Variants in ITGAE observed in about 807,000 individuals in gnomAD.
ITGAE encodes integrin subunit alpha E.
Under a neutral mutation model 136.5 loss-of-function variants are expected in ITGAE, and 99 were observed. The observed-to-expected ratio is 0.73, with a 90% CI of 0.62 to 0.86. ITGAE has a LOEUF of 0.86. Ranked by LOEUF, ITGAE falls within the 40% of genes least tolerant of loss-of-function variation. The pLI is 0.00. For synonymous variants in ITGAE, 613 were observed against 591.8 expected, an observed-to-expected ratio of 1.04 and a Z score of -0.52; for missense variants, 1,447 against 1,515.3, an observed-to-expected ratio of 0.95 and a Z score of 0.75.
At chr17:3,792,233 T>C (rs2052956817) in intron 1 of ITGAE, among the ~76,000 whole-genome samples, 1 of 152,190 alleles carries the variant, frequency 6.6e-6, no homozygotes, top group Non-Finnish European at 1.5e-5. Context: ...GCGATTCTCC[T>C]GCCTCGGCCT....
At position 3,734,904 on chromosome 17, in the gene ITGAE, A is replaced by G. The variant is rs199824557; in HGVS notation, c.2568T>C (p.Ile856=). Residue 856 remains isoleucine (I), a synonymous_variant, in exon 21 of 31, where the codon ATT becomes ATC. Transcript: ENST00000263087. ...VGLTKELTLN[I]NLTNSGEDSY... ...AATCTTCCCCGGAGTTAGTTAGGTT[A>G]ATGTTCAGGGTCAGCTCCTTTGTGA... The G allele has an allele frequency of 2.2e-5, 35 of 1,614,168 alleles. No homozygotes were observed. Among genetic ancestry groups the G allele is most frequent in the Non-Finnish European group, 3.0e-5 (35 of 1,180,020 alleles).
intron 15 of ITGAE, 99 bp downstream of exon 15, chr17:3,751,551 C>A: frequency 1.8e-6 from 2 of 1,102,978 alleles, no homozygotes; most frequent in South Asian, 1.4e-5. Context: ...CCGAGACCTG[C>A]CCAGCACTTA....
At chr17:3,760,395 C>A in intron 6 of ITGAE, 108 bp from the exon 7 acceptor site, 2 of 251,364 alleles carry the variant, frequency 8.0e-6, no homozygotes, top group African/African-American at 2.9e-5. Context: ...CAGCTCAGTT[C>A]AGGGAAGAAG....
intron 21 of ITGAE, 146 bp from the exon 22 acceptor site, chr17:3,732,612 G>A (rs2051371177): frequency 1.5e-6 from 1 of 674,884 alleles, no homozygotes; most frequent in Non-Finnish European, 2.6e-6. Context: ...AAGTCCACTT[G>A]GTCCCTGTCT....
rs185052987 is a variant in ITGAE at position 3,786,478 on chromosome 17, T to C, written c.35-8818A>G. ...GTCATTTTATGAAGCCAGTATAACA[T>C]TGATATTAAAATCCAGCAAGCACAA... On this transcript the variant is annotated intron_variant, in intron 1 of 30. Transcript: ENST00000263087. Among the ~76,000 whole-genome samples, 117 of 152,296 alleles carry C rather than the reference T, an allele frequency of 7.7e-4. 1 individual carries two copies. Among genetic ancestry groups the C allele is most frequent in the South Asian group, 2.1e-3 (10 of 4,832 alleles).
rs1406361780 is a variant in ITGAE, at chr17:3,734,843, T to G, written c.2629A>C (p.Asn877His). The change falls in exon 21 of 31, where the codon AAC becomes CAC. Residue 877 changes from asparagine (N) to histidine (H), a missense_variant. Asn to His is a moderately conservative substitution (Grantham distance 68). This residue lies in a region of ITGAE where 1,031 missense variants were observed against 1,011.4 expected (regional missense o/e 1.02). Transcript: ENST00000263087. ...TTTTGCATCCTCTTCAACTGCAGGT[T>G]TCTGGGGTAATTCAAGGCCATGCTT... ...MTSMALNYPRNLQLKRMQKPP... is the reference protein window; with the variant it reads ...MTSMALNYPRHLQLKRMQKPP... 6.2e-6 allele frequency: 10 copies of G among 1,614,048 alleles called. No homozygotes were observed. The Admixed American group carries it at 1.7e-4, about 27-fold the overall frequency.
chr17:3,745,317 C>T (rs1202479640), intron 18 of ITGAE, among the ~76,000 whole-genome samples: 1 of 152,090 alleles, frequency 6.6e-6, no homozygotes, highest in Non-Finnish European at 1.5e-5. Context: ...CTCCATCTTC[C>T]GTGCCATTAC....
At position 3,714,649 on chromosome 17, in the gene ITGAE, A is replaced by T; in HGVS notation, c.*198T>A. The T allele has an allele frequency of 2.2e-6, 1 of 446,310 alleles. No homozygotes were observed. Among genetic ancestry groups the T allele is most frequent in the Middle Eastern group, 5.6e-4 (1 of 1,786 alleles). 27.6% of individuals were successfully genotyped at this position (446,310 alleles called of 1,614,324 possible). On this transcript the variant is annotated 3_prime_UTR_variant, in exon 31 of 31. Transcript: ENST00000263087. Reference sequence around the variant, plus strand: ...CTACTGCAAAGAAAAGTGTAAATTTATTTAATACCAAATGTTTCCTAAGTT... The same window carrying T: ...CTACTGCAAAGAAAAGTGTAAATTTTTTTAATACCAAATGTTTCCTAAGTT...
chr17:3,725,775 C>G (rs1294239349), intron 26 of ITGAE: 2 of 1,600,930 alleles, frequency 1.2e-6, no homozygotes, highest in Admixed American at 3.4e-5. Context: ...TGACTTAGAG[C>G]AAATGCGAAC....
chr17:3,725,677 A>C (rs1313480777), intron 26 of ITGAE: 1 of 1,588,244 alleles, frequency 6.3e-7, no homozygotes, highest in South Asian at 1.1e-5. Context: ...GATCACTATA[A>C]TTCAACCAAA....
chr17:3,786,708 G>T (rs979745181), intron 1 of ITGAE, among the ~76,000 whole-genome samples: 1 of 151,974 alleles, frequency 6.6e-6, no homozygotes, highest in African/African-American at 2.4e-5. Context: ...TGGCCAACAT[G>T]GTGAAACTCC....
intron 24 of ITGAE, among the ~76,000 whole-genome samples, chr17:3,728,834 C>G (rs2051276510): frequency 6.6e-6 from 1 of 151,440 alleles, no homozygotes; most frequent in Non-Finnish European, 1.5e-5. Context: ...GAGTTCAAGA[C>G]CAGCCTGGCC....
chr17:3,797,974 C>A (rs1287258469), intron 1 of ITGAE, among the ~76,000 whole-genome samples: 1 of 152,214 alleles, frequency 6.6e-6, no homozygotes. Flanking sequence ...CCAAGCTCCC[C>A]CAGGCCGGCA....
intron 16 of ITGAE, 26 bp from the exon 17 acceptor site, chr17:3,748,078 G>A: frequency 1.2e-6 from 2 of 1,600,862 alleles, no homozygotes; most frequent in Non-Finnish European, 8.5e-7. Flanking sequence ...AAGAGGATGG[G>A]AGAAGTGACT....
intron 18 of ITGAE, 70 bp downstream of exon 18, chr17:3,745,694 C>T (rs2051695660): frequency 1.4e-6 from 2 of 1,463,510 alleles, no homozygotes; most frequent in East Asian, 2.3e-5. Flanking sequence ...GTGCCCTTCA[C>T]TGCATCACCT....
At chr17:3,728,259 A>T in intron 24 of ITGAE, 91 bp from the exon 25 acceptor site, 1 of 973,552 alleles carries the variant, frequency 1.0e-6, no homozygotes, top group Non-Finnish European at 1.7e-6. Flanking sequence ...GCTAGAGCAC[A>T]GTGGAACAAT....
chr17:3,749,398 G>A (rs889774910), intron 16 of ITGAE, among the ~76,000 whole-genome samples: 21 of 152,028 alleles, frequency 1.4e-4, no homozygotes, highest in African/African-American at 2.4e-4. Flanking sequence ...GACTATAGGC[G>A]CCCGCCACCA....
Position 3,801,052 on chromosome 17 carries a change from A to T in ITGAE, c.34+59T>A. 8.8e-6 allele frequency: 14 copies of T among 1,588,604 alleles called. No homozygotes were observed. In the South Asian group the frequency reaches 1.5e-4, roughly 18 times the overall value. On this transcript the variant is annotated intron_variant, in intron 1 of 30. Coordinates refer to ENST00000263087, the MANE Select transcript of ITGAE (RefSeq NM_002208.5). The stretch of plus-strand genomic sequence containing the variant: ...AGACAGTCAAGGCTGTAGTCTGCAG[A>T]CACCTGGCTGGAGCTGAGGGCACAG...
At chr17:3,783,659 C>G (rs991411726) in intron 1 of ITGAE, among the ~76,000 whole-genome samples, 5 of 151,308 alleles carry the variant, frequency 3.3e-5, no homozygotes, top group African/African-American at 1.2e-4. Flanking sequence ...GAAATTGATG[C>G]AAATATTTTT....
Sources: allele counts gnomAD v4.1 joint callset (sites outside exome capture counted in the v4.1 genomes callset), GRCh38; gene constraint gnomAD v4.1.1; regional missense constraint gnomAD v4.1.1; transcripts MANE v1.5; gene names NCBI Gene and HGNC (gene_info 2026-07-23, HGNC 2026-07-21).